Variants in GRID1 observed in about 807,000 individuals in gnomAD.
The protein encoded by GRID1 is glutamate ionotropic receptor delta type subunit 1.
In GRID1, 28 loss-of-function variants were observed where a neutral mutation model predicts 98.0. The observed-to-expected ratio is 0.29, with a 90% CI of 0.21 to 0.39. The LOEUF (loss-of-function observed/expected upper bound fraction) is 0.39, where lower values mean the gene tolerates loss of function less well. GRID1 is among the 10% of genes least tolerant of loss of function. The pLI is 1.00. For synonymous variants in GRID1, 553 were observed against 538.5 expected (o/e 1.03, Z -0.37); for missense variants, 1,111 against 1,340.5 (o/e 0.83, Z 2.67).
intron 2 of GRID1, among the ~76,000 whole-genome samples, chr10:86,340,571 G>C (rs1285880886): frequency 6.6e-6 from 1 of 152,190 alleles, no homozygotes; most frequent in Non-Finnish European, 1.5e-5. Flanking sequence ...CTCTGCAGGT[G>C]AATACTCCAG....
At chr10:86,268,664 A>G (rs564455924) in intron 2 of GRID1, among the ~76,000 whole-genome samples, 1 of 152,340 alleles carries the variant, frequency 6.6e-6, no homozygotes, top group African/African-American at 2.4e-5. Context: ...TGAAATCTGA[A>G]AAAGTAAGAG....
chr10:85,677,466 C>T (rs1841157726), intron 12 of GRID1, among the ~76,000 whole-genome samples: 1 of 152,198 alleles, frequency 6.6e-6, no homozygotes, highest in South Asian at 2.1e-4. Context: ...ACAGTAACTT[C>T]AATGGAGCAC....
chr10:86,267,927 G>A (rs892690399), intron 2 of GRID1, among the ~76,000 whole-genome samples: 1 of 152,222 alleles, frequency 6.6e-6, no homozygotes, highest in African/African-American at 2.4e-5. Flanking sequence ...GCTTCAAACT[G>A]GGGGTTCAGA....
chr10:86,303,770 C>T (rs554153192), intron 2 of GRID1, among the ~76,000 whole-genome samples: 3 of 152,314 alleles, frequency 2.0e-5, no homozygotes, highest in Admixed American at 6.5e-5. Flanking sequence ...AGAAGCCTCA[C>T]CTGAATCTCT....
chr10:86,212,442 C>T (rs1209035435), intron 2 of GRID1, among the ~76,000 whole-genome samples: 2 of 152,226 alleles, frequency 1.3e-5, no homozygotes, highest in East Asian at 3.8e-4. Flanking sequence ...GGAGAAACAA[C>T]CTGATGCCCT....
chr10:85,742,405 T>C (rs1330885531), intron 8 of GRID1, among the ~76,000 whole-genome samples: 2 of 152,204 alleles, frequency 1.3e-5, no homozygotes, highest in African/African-American at 4.8e-5. Flanking sequence ...CCAAGGGCCA[T>C]AGTTCGTTAA....
intron 5 of GRID1, among the ~76,000 whole-genome samples, chr10:85,908,520 T>C (rs1042653116): frequency 2.0e-5 from 3 of 152,264 alleles, no homozygotes; most frequent in African/African-American, 4.8e-5. Flanking sequence ...AGATAAAACA[T>C]TGAGAGAAAT....
chr10:86,312,247 C>T (rs1020325439), intron 2 of GRID1, among the ~76,000 whole-genome samples: 2 of 152,238 alleles, frequency 1.3e-5, no homozygotes, highest in Non-Finnish European at 2.9e-5. Context: ...ACAAATTCCC[C>T]CATGCTGGAA....
intron 4 of GRID1, among the ~76,000 whole-genome samples, chr10:86,080,958 G>A (rs1843969554): frequency 6.6e-6 from 1 of 152,016 alleles, no homozygotes; most frequent in African/African-American, 2.4e-5. Context: ...AGCAAAACAT[G>A]GCCTTTAAGG....
chr10:85,954,075 T>C (rs1232346521), intron 4 of GRID1, among the ~76,000 whole-genome samples: 1 of 152,188 alleles, frequency 6.6e-6, no homozygotes, highest in Non-Finnish European at 1.5e-5. Context: ...GGGAGTCTAT[T>C]ACTGTTTAAC....
At chr10:85,690,941 C>T (rs1442147976) in intron 12 of GRID1, among the ~76,000 whole-genome samples, 1 of 152,050 alleles carries the variant, frequency 6.6e-6, no homozygotes, top group African/African-American at 2.4e-5. Flanking sequence ...TGGAAGCAGG[C>T]TTTTACAAGG....
At chr10:85,852,229 G>T (rs1002022225) in intron 8 of GRID1, among the ~76,000 whole-genome samples, 3 of 152,194 alleles carry the variant, frequency 2.0e-5, no homozygotes, top group African/African-American at 7.2e-5. Flanking sequence ...ATGACAAAAA[G>T]ATACATTTTA....
chr10:85,941,760 T>C (rs970444522), intron 4 of GRID1, among the ~76,000 whole-genome samples: 1 of 152,212 alleles, frequency 6.6e-6, no homozygotes, highest in African/African-American at 2.4e-5. Context: ...AAAGAGGGCA[T>C]CTTTAGTTTT....
chr10:85,634,337 G>C (rs2132538633), intron 13 of GRID1, among the ~76,000 whole-genome samples: 1 of 140,392 alleles, frequency 7.1e-6, no homozygotes, highest in Admixed American at 7.5e-5. Context: ...CAAAATATAG[G>C]ACCCAGAGCA....
chr10:85,887,080 A>G (rs1221095930), intron 5 of GRID1, among the ~76,000 whole-genome samples: 2 of 152,344 alleles, frequency 1.3e-5, no homozygotes, highest in African/African-American at 4.8e-5. Flanking sequence ...AGGCAAGGCC[A>G]GCTTAAGAAA....
chr10:86,005,753 G>A (rs987432712), intron 4 of GRID1, among the ~76,000 whole-genome samples: 1 of 152,134 alleles, frequency 6.6e-6, no homozygotes, highest in Non-Finnish European at 1.5e-5. Context: ...ATGTTTTGGG[G>A]GATAGCTCAC....
chr10:85,877,087 G>A (rs1253323062), intron 5 of GRID1, among the ~76,000 whole-genome samples: 1 of 152,228 alleles, frequency 6.6e-6, no homozygotes, highest in Non-Finnish European at 1.5e-5. Flanking sequence ...GCTTGCTTAG[G>A]TAAACAAAGC....
In GRID1 at chr10:85,688,749, G is replaced by T. The variant is rs150858060; in HGVS notation, c.1997+34254C>A. Among the ~76,000 whole-genome samples the T allele has an allele frequency of 4.7e-3, 719 of 152,316 alleles. 1 individual carries two copies. Among genetic ancestry groups the T allele is most frequent in the Non-Finnish European group, 8.1e-3 (549 of 68,032 alleles). ...CACTAATGAATAATGTTGGTAGAAT[G>T]GTTTAGGGTCGCGCTAATGAGCTCA... On this transcript the variant is annotated intron_variant, in intron 12 of 15. Transcript: ENST00000327946.
At chr10:86,326,421 G>A (rs1227430102) in intron 2 of GRID1, among the ~76,000 whole-genome samples, 1 of 152,192 alleles carries the variant, frequency 6.6e-6, no homozygotes, top group Admixed American at 6.5e-5. Flanking sequence ...TGTGTTTACT[G>A]AGCACTTATT....
Sources: allele counts gnomAD v4.1 joint callset (sites outside exome capture counted in the v4.1 genomes callset), GRCh38; gene constraint gnomAD v4.1.1; transcripts MANE v1.5; gene names NCBI Gene and HGNC (gene_info 2026-07-23, HGNC 2026-07-21).